Variants in TCTN2 observed in about 807,000 individuals in gnomAD.
TCTN2 encodes tectonic-2.
In TCTN2, 66 loss-of-function variants were observed where a neutral mutation model predicts 83.4. The ratio of observed to expected loss-of-function variants is 0.79; its 90% confidence interval spans 0.65 to 0.97. TCTN2 has a LOEUF of 0.97. Among genes scored for constraint, TCTN2 ranks in the 50% least tolerant of loss-of-function variants. TCTN2 has a pLI of 0.00. For missense variants in TCTN2, 794 were observed against 858.1 expected, an observed-to-expected ratio of 0.93 and a Z score of 0.93; for synonymous variants, 301 against 326.7, an observed-to-expected ratio of 0.92 and a Z score of 0.85.
chr12:123,686,633 C>G (rs1476867711), intron 5 of TCTN2, among the ~76,000 whole-genome samples: 1 of 152,118 alleles, frequency 6.6e-6, no homozygotes, highest in Non-Finnish European at 1.5e-5. Context: ...GACTTGAAGG[C>G]TTATTTGGGG....
rs763066033 is a variant in TCTN2 at position 123,707,015 on chromosome 12, C to A, written c.1926C>A (p.Cys642Ter). 1 of 1,613,974 alleles carries A rather than the reference C, an allele frequency of 6.2e-7. No individual in the cohort carries two copies. Among genetic ancestry groups the A allele is most frequent in the South Asian group, 1.1e-5 (1 of 91,078 alleles). The change falls in exon 17 of 18, where the codon TGC becomes TGA. Residue 642 changes from cysteine to a stop codon, truncating the protein, a stop_gained. Transcript: ENST00000303372. LOFTEE classifies it high-confidence loss of function. The stretch of plus-strand genomic sequence containing the variant: ...AGATCAATTATACAGAGTATGACTG[C>A]AACAGAAATGAGGTGTGTTGGCCGC... ...RFQINYTEYD[C>*]NRNEVCWPQL...
chr12:123,699,847 G>T (rs1956151956), intron 14 of TCTN2, 37 bp downstream of exon 14: 1 of 1,552,570 alleles, frequency 6.4e-7, no homozygotes, highest in Non-Finnish European at 8.9e-7. Flanking sequence ...CCTGTAACTT[G>T]GTTGCTGTGA....
chr12:123,687,789 C>G (rs1242383201), intron 6 of TCTN2, among the ~76,000 whole-genome samples: 2 of 152,032 alleles, frequency 1.3e-5, no homozygotes, highest in Non-Finnish European at 2.9e-5. Context: ...TGGTGAAACC[C>G]CATCTTTACT....
At chr12:123,689,630 C>T (rs1004264590) in intron 7 of TCTN2, among the ~76,000 whole-genome samples, 7 of 152,150 alleles carry the variant, frequency 4.6e-5, no homozygotes, top group African/African-American at 1.7e-4. Context: ...GCCAAGTACC[C>T]AATAGTTTTT....
At chr12:123,697,860 CT>C (rs536696616) in intron 13 of TCTN2, among the ~76,000 whole-genome samples, 422 of 136,488 alleles carry the variant, frequency 3.1e-3, no homozygotes, top group Middle Eastern at 4.0e-3. Flanking sequence ...GGGTGATTAA[CT>C]TTTTTTTTTT....
chr12:123,693,096 G>A (rs7304052), intron 9 of TCTN2, among the ~76,000 whole-genome samples: 51,939 of 140,864 alleles, frequency 0.37, 9,824 homozygotes, highest in African/African-American at 0.43. Flanking sequence ...GCATGATCTC[G>A]GCTCACTGCA....
At chr12:123,677,410 CAAAT>C (rs1002380757) in intron 4 of TCTN2, among the ~76,000 whole-genome samples, 6 of 152,100 alleles carry the variant, frequency 3.9e-5, no homozygotes, top group Non-Finnish European at 8.8e-5. Context: ...GGGGTTTAAA[CAAAT>C]AGTTCCTGCA....
intron 5 of TCTN2, among the ~76,000 whole-genome samples, chr12:123,685,133 C>A (rs550850933): frequency 1.8e-4 from 28 of 152,014 alleles, no homozygotes; most frequent in African/African-American, 6.3e-4. Flanking sequence ...CCTTCTCTTC[C>A]TTCCAGGCCA....
chr12:123,687,103 AGG>A lies in TCTN2; in HGVS notation c.764+69_764+70del. The A allele has an allele frequency of 3.8e-6, 6 of 1,558,726 alleles. No individual in the cohort carries two copies. In the East Asian group the frequency reaches 1.3e-4, roughly 35 times the overall value. On this transcript the variant is annotated intron_variant, in intron 6 of 17. Transcript: ENST00000303372. ...CGCCCTGGTGGGGCCATACTCTAGT[AGG>A]CCCTGCAACGCGGTCACGTTTTTCC...
chr12:123,671,182 C>T lies in TCTN2; in HGVS notation c.-59C>T, dbSNP rs1195910174. ...GGCTGCTGCGTTTTCGTGTCTGAGT[C>T]CTTCCTGGGTTCTAATGAGGGCGCG... On this transcript the variant is annotated 5_prime_UTR_variant, in exon 1 of 18. Coordinates refer to ENST00000303372, the MANE Select transcript of TCTN2 (RefSeq NM_024809.5). 1 of 1,517,458 alleles carries T rather than the reference C, an allele frequency of 6.6e-7. No homozygotes were observed. The highest frequency in any genetic ancestry group is 9.0e-7 in the Non-Finnish European group (1 of 1,112,422). 94.0% of individuals were successfully genotyped at this position (1,517,458 alleles called of 1,614,324 possible).
rs915966685 is a variant in TCTN2, at chr12:123,697,190, T to C, written c.1497T>C (p.Thr499=). The C allele has an allele frequency of 2.2e-5, 35 of 1,609,750 alleles. No individual in the cohort carries two copies. The highest frequency in any genetic ancestry group is 3.0e-5 in the Non-Finnish European group (35 of 1,176,152). ...AAGTCGGGATTAATGAAAATTGTAC[T>C]CAGCTCAGGTGAGTGTTTCATTGAT... is the stretch of plus-strand genomic sequence containing the variant. ...LLEVGINENC[T]QLRENAVERL... Residue 499 remains threonine, a synonymous_variant, in exon 13 of 18, where the codon ACT becomes ACC. Transcript: ENST00000303372.
chr12:123,697,060 C>G (rs745473973), intron 12 of TCTN2, 27 bp from the exon 13 acceptor site: 1 of 1,555,914 alleles, frequency 6.4e-7, no homozygotes, highest in Non-Finnish European at 8.9e-7. Flanking sequence ...CAAAAAGTAG[C>G]AAGAGGATAA....
chr12:123,698,801 A>C (rs1956139544), intron 13 of TCTN2, among the ~76,000 whole-genome samples: 1 of 151,140 alleles, frequency 6.6e-6, no homozygotes, highest in African/African-American at 2.5e-5. Context: ...AAGCAGGAAG[A>C]AATGGGGGTA....
chr12:123,701,721 C>T (rs913163806), intron 14 of TCTN2, among the ~76,000 whole-genome samples: 3 of 148,358 alleles, frequency 2.0e-5, no homozygotes, highest in Admixed American at 6.8e-5. Context: ...CCAGCCTGGG[C>T]GACAGAGCAA....
chr12:123,707,916 G>T lies in TCTN2; in HGVS notation c.*203G>T, dbSNP rs1956251071. ...GTAGAGACAGGGTTCCACCGTATTG[G>T]CCAGGCTGCTCTCGAACTCCTGACC... On this transcript the variant is annotated 3_prime_UTR_variant, in exon 18 of 18. Transcript: ENST00000303372. 3 of 573,838 alleles carry T rather than the reference G, an allele frequency of 5.2e-6. No homozygotes were observed. In the South Asian group the frequency reaches 5.8e-5, roughly 11 times the overall value. The allele number at this position is 573,838 out of a possible 1,614,324, so 35.5% of individuals were successfully genotyped here. A position where few individuals can be genotyped will look rare whatever the true frequency, so the allele number is the denominator to read the frequency against.
chr12:123,702,391 C>A (rs1365826294), intron 14 of TCTN2, among the ~76,000 whole-genome samples: 1 of 152,178 alleles, frequency 6.6e-6, no homozygotes, highest in African/African-American at 2.4e-5. Flanking sequence ...CAGACACACA[C>A]CTGTATTGTG....
chr12:123,700,990 C>T (rs1166318266), intron 14 of TCTN2, among the ~76,000 whole-genome samples: 3 of 152,086 alleles, frequency 2.0e-5, no homozygotes, highest in Non-Finnish European at 4.4e-5. Context: ...AAAACAAAGT[C>T]CAAGCAAGGT....
At chr12:123,697,230 T>C (rs1280546166) in intron 13 of TCTN2, 32 bp downstream of exon 13, 1 of 1,468,720 alleles carries the variant, frequency 6.8e-7, no homozygotes, top group Non-Finnish European at 9.5e-7. Flanking sequence ...ATATCGGCAA[T>C]GTGAATGGTT....
intron 14 of TCTN2, 132 bp from the exon 15 acceptor site, chr12:123,704,400 G>A: frequency 2.3e-6 from 2 of 884,432 alleles, no homozygotes; most frequent in South Asian, 3.0e-5. Context: ...CAAGTAACTA[G>A]AGCCTGTAAG....
Sources: allele counts gnomAD v4.1 joint callset (sites outside exome capture counted in the v4.1 genomes callset), GRCh38; gene constraint gnomAD v4.1.1; transcripts MANE v1.5; gene names NCBI Gene and HGNC (gene_info 2026-07-23, HGNC 2026-07-21).